ZBBX: variants seen among roughly 807,000 people sequenced by gnomAD.
The protein encoded by ZBBX is zinc finger B-box domain-containing protein 1.
A neutral mutation model predicts 108.5 loss-of-function variants in ZBBX; 101 were observed. That is an observed-to-expected ratio of 0.93 (90% confidence interval 0.79 to 1.10). The LOEUF is 1.10. Ranked by LOEUF, ZBBX falls within the 50% of genes least tolerant of loss-of-function variation. The probability of loss-of-function intolerance (pLI) is 0.00; values close to 1 mark genes in which losing one functional copy is unlikely to be tolerated. For synonymous variants in ZBBX, 356 were observed against 323.4 expected (o/e 1.10, Z -1.08); for missense variants, 1,009 against 941.4 (o/e 1.07, Z -0.94).
intron 15 of ZBBX, among the ~76,000 whole-genome samples, chr3:167,314,780 C>T (rs1023101276): frequency 6.6e-6 from 1 of 152,074 alleles, no homozygotes; most frequent in Non-Finnish European, 1.5e-5. Context: ...AAAACTACTG[C>T]CAAATCATGA....
Position 167,295,403 on chromosome 3 carries a change from C to T in ZBBX, c.1879+2902G>A, listed in dbSNP as rs560528502. 4.1e-4 allele frequency among the ~76,000 whole-genome samples: 63 copies of T among 151,848 alleles called. No individual in the cohort carries two copies. In the Middle Eastern group the frequency reaches 0.01, roughly 25 times the overall value. ...ATGTCCTTTGCAGAGACATGGATGA[C>T]ACTGGAAACCATCATTCTCAGCAAA... On this transcript the variant is annotated intron_variant, in intron 18 of 21. Coordinates refer to ENST00000675490, the MANE Select transcript of ZBBX (RefSeq NM_001199201.2).
chr3:167,218,874 C>T, the ZBBX span, among the ~76,000 whole-genome samples: 2 of 151,920 alleles, frequency 1.3e-5, no homozygotes, highest in Non-Finnish European at 2.9e-5. Flanking sequence ...AATCTTTTGC[C>T]TACAAGAAAC....
At chr3:167,267,578 C>T (rs567110094) in intron 20 of ZBBX, among the ~76,000 whole-genome samples, 2 of 152,210 alleles carry the variant, frequency 1.3e-5, no homozygotes, top group African/African-American at 4.8e-5. Context: ...TAAAATATTG[C>T]TGTTTTGTTT....
chr3:167,225,398 T>C, the ZBBX span, among the ~76,000 whole-genome samples: 1 of 151,990 alleles, frequency 6.6e-6, no homozygotes, highest in East Asian at 1.9e-4. Context: ...TCCTAAATTA[T>C]ACATGGGATA....
At chr3:167,348,349 A>AAAGAAAGG (rs1741972713) in intron 9 of ZBBX, among the ~76,000 whole-genome samples, 1 of 116,476 alleles carries the variant, frequency 8.6e-6, no homozygotes, top group African/African-American at 3.4e-5. Flanking sequence ...AGAAAGAAAG[A>AAAGAAAGG]AAGAAAGAAA....
chr3:167,368,489 T>C lies in ZBBX; in HGVS notation c.154A>G (p.Thr52Ala). 1.2e-6 allele frequency: 2 copies of C among 1,612,168 alleles called. No homozygotes were observed. The highest frequency in any genetic ancestry group is 1.7e-6 in the Non-Finnish European group (2 of 1,178,724). Residue 52 changes from threonine (T) to alanine (A), a missense_variant, in exon 5 of 22, where the codon ACA (threonine) becomes GCA (alanine). By Grantham distance (58) the Thr-to-Ala change is moderately conservative (BLOSUM62 0). Transcript: ENST00000675490. The part of the protein sequence containing the change: ...MEKKLQEFRS[T>A]RNKEKEDRES... Reference sequence around the variant, plus strand: ...CTATCTTCCTTTTCTTTGTTTCTTGTGGATCGGAATTCTTGCAGTTTCTTC... The same window carrying C: ...CTATCTTCCTTTTCTTTGTTTCTTGCGGATCGGAATTCTTGCAGTTTCTTC...
chr3:167,220,732 A>G, the ZBBX span, among the ~76,000 whole-genome samples: 1 of 152,012 alleles, frequency 6.6e-6, no homozygotes, highest in African/African-American at 2.4e-5. Context: ...TAGCTAGAGC[A>G]ATTAGAAAAG....
intron 20 of ZBBX, among the ~76,000 whole-genome samples, chr3:167,270,782 G>T (rs935223980): frequency 6.6e-6 from 1 of 152,212 alleles, no homozygotes; most frequent in African/African-American, 2.4e-5. Flanking sequence ...CCAGAATCCT[G>T]AAATATGAAG....
At chr3:167,300,551 T>C (rs1450862620) in intron 17 of ZBBX, among the ~76,000 whole-genome samples, 1 of 151,870 alleles carries the variant, frequency 6.6e-6, no homozygotes, top group African/African-American at 2.4e-5. Context: ...TAGTCTTAAA[T>C]TGAATAAAAC....
the ZBBX span, among the ~76,000 whole-genome samples, chr3:167,213,758 G>C: frequency 6.6e-6 from 1 of 152,094 alleles, no homozygotes; most frequent in African/African-American, 2.4e-5. Context: ...CGAAATGAAA[G>C]AATGTTATAA....
At chr3:167,391,064 G>C (rs1748071815) in intron 1 of ZBBX, among the ~76,000 whole-genome samples, 1 of 152,032 alleles carries the variant, frequency 6.6e-6, no homozygotes, top group Admixed American at 6.6e-5. Flanking sequence ...TCTTGTGCCG[G>C]TTTTCAAAGG....
chr3:167,302,991 C>G (rs1409049955), intron 17 of ZBBX, among the ~76,000 whole-genome samples: 3 of 152,120 alleles, frequency 2.0e-5, no homozygotes, highest in Admixed American at 2.0e-4. Flanking sequence ...GACATAATCT[C>G]TATATTTCAA....
chr3:167,315,937 G>A (rs568681233), intron 14 of ZBBX, 108 bp from the exon 15 acceptor site: 2 of 621,346 alleles, frequency 3.2e-6, no homozygotes, highest in African/African-American at 1.8e-5. Flanking sequence ...TACAAATGAT[G>A]TTATGAGAGC....
At chr3:167,281,950 G>GA (rs1289196320) in intron 20 of ZBBX, among the ~76,000 whole-genome samples, 7 of 152,044 alleles carry the variant, frequency 4.6e-5, no homozygotes, top group Non-Finnish European at 8.8e-5. Context: ...GCAGAAAGGA[G>GA]AAAAAAAGAT....
intron 10 of ZBBX, among the ~76,000 whole-genome samples, chr3:167,330,868 G>GAAGAAGAAGAAGAAGAAGAAGAAGAAGA (rs1553820652): frequency 0.012 from 512 of 43,084 alleles, 11 homozygotes; most frequent in Middle Eastern, 0.019. Flanking sequence ...GGAGGAGGAG[G>GAAGAAGAAGAAGAAGAAGAAGAAGAAGA]AGGAGAAGAA....
At chr3:167,226,075 C>CT in the ZBBX span, among the ~76,000 whole-genome samples, 1 of 145,746 alleles carries the variant, frequency 6.9e-6, no homozygotes. Flanking sequence ...CTGGCAGTGA[C>CT]TGTGATTAAA....
chr3:167,270,338 A>G (rs545651375), intron 20 of ZBBX, among the ~76,000 whole-genome samples: 2 of 152,308 alleles, frequency 1.3e-5, no homozygotes, highest in East Asian at 1.9e-4. Flanking sequence ...ACTGCCGCTT[A>G]TGGATTGACT....
intron 16 of ZBBX, among the ~76,000 whole-genome samples, chr3:167,312,289 A>G (rs183751998): frequency 6.6e-6 from 1 of 152,216 alleles, no homozygotes; most frequent in African/African-American, 2.4e-5. Context: ...AGAGAGAGGG[A>G]TAAACAGGTG....
intron 9 of ZBBX, 126 bp from the exon 10 acceptor site, chr3:167,334,111 A>G: frequency 1.4e-6 from 1 of 702,024 alleles, no homozygotes; most frequent in Non-Finnish European, 2.1e-6. Flanking sequence ...TAATATTTAA[A>G]AAGACAAATT....
Sources: allele counts gnomAD v4.1 joint callset (sites outside exome capture counted in the v4.1 genomes callset), GRCh38; gene constraint gnomAD v4.1.1; transcripts MANE v1.5; gene names NCBI Gene and HGNC (gene_info 2026-07-23, HGNC 2026-07-21).